Variants in WWTR1 observed in about 807,000 individuals in gnomAD.
The protein encoded by WWTR1 is WW domain containing transcription regulator 1.
A neutral mutation model predicts 40.1 loss-of-function variants in WWTR1; 13 were observed. That is an observed-to-expected ratio of 0.32 (90% CI 0.21 to 0.52). The LOEUF (loss-of-function observed/expected upper bound fraction) is 0.52, where lower values mean the gene tolerates loss of function less well. Ranked by LOEUF, WWTR1 falls within the 20% of genes least tolerant of loss-of-function variation. WWTR1 has a pLI of 0.97. For synonymous variants in WWTR1, 230 were observed against 210.1 expected (o/e 1.09, Z -0.82); for missense variants, 436 against 523.1 (o/e 0.83, Z 1.63).
upstream of WWTR1, among the ~76,000 whole-genome samples, chr3:149,705,064 C>T (rs1286575258): frequency 6.6e-6 from 1 of 150,778 alleles, no homozygotes; most frequent in Non-Finnish European, 1.5e-5. Context: ...AATTTTAAAA[C>T]TTAGACAGTT....
chr3:149,719,809 A>G (rs1162779809), intron 4 of WWTR1, among the ~76,000 whole-genome samples: 1 of 152,162 alleles, frequency 6.6e-6, no homozygotes. Context: ...TAGCCATCCT[A>G]AGGGTGTCCA....
At position 149,542,480 on chromosome 3, in the gene WWTR1, T is replaced by G. The variant is rs771651376; in HGVS notation, c.626A>C (p.His209Pro). The change falls in exon 4 of 7, where the codon CAC (histidine) becomes CCC (proline). Residue 209 changes from histidine (H) to proline (P), a missense_variant. By Grantham distance (77) the His-to-Pro change is moderately conservative. Transcript: ENST00000360632. ...CCCTGCGGGTGGGTTCTGAGTGGGG[T>G]GGTTCTGCTGGCTCAGGGTACTGGG... ...MAPSTLSQQNHPTQNPPAGLM... is the reference protein window; with the variant it reads ...MAPSTLSQQNPPTQNPPAGLM... The G allele has an allele frequency of 2.9e-5, 47 of 1,613,750 alleles. No individual in the cohort carries two copies. Among genetic ancestry groups the G allele is most frequent in the Non-Finnish European group, 3.9e-5 (46 of 1,179,898 alleles).
intron 3 of WWTR1, among the ~76,000 whole-genome samples, chr3:149,561,955 G>A (rs568908013): frequency 3.7e-4 from 57 of 152,208 alleles, no homozygotes; most frequent in Non-Finnish European, 6.0e-4. Flanking sequence ...TGCCATATGC[G>A]TGTGTTACTT....
rs186207018 is a variant in WWTR1, at chr3:149,677,755, G to A, written c.-107-7864C>T. On this transcript the variant is annotated intron_variant, in intron 1 of 7. Transcript: ENST00000465804. ...CTCGGGAGGCTGAGGCAGGAGAATCGCTTGAATCTGGGAAGCAGAGGTTGC... is the reference window on the plus strand; with the variant it reads ...CTCGGGAGGCTGAGGCAGGAGAATCACTTGAATCTGGGAAGCAGAGGTTGC... Among the ~76,000 whole-genome samples, 913 of 151,950 alleles carry A rather than the reference G, an allele frequency of 6.0e-3. 4 individuals are homozygous for A. The highest frequency in any genetic ancestry group is 0.011 in the Non-Finnish European group (732 of 67,954).
chr3:149,533,874 G>C (rs1735701013), intron 4 of WWTR1, among the ~76,000 whole-genome samples: 1 of 152,080 alleles, frequency 6.6e-6, no homozygotes, highest in Non-Finnish European at 1.5e-5. Context: ...GCTGCTGATA[G>C]TGTTAAATGG....
At chr3:149,564,404 A>G (rs531275848) in intron 3 of WWTR1, among the ~76,000 whole-genome samples, 67 of 151,842 alleles carry the variant, frequency 4.4e-4, no homozygotes, top group Non-Finnish European at 7.1e-4. Flanking sequence ...TTTAATACAC[A>G]TGGGGCCTGG....
intron 2 of WWTR1, among the ~76,000 whole-genome samples, chr3:149,597,960 G>T (rs1739076085): frequency 6.6e-6 from 1 of 152,200 alleles, no homozygotes; most frequent in South Asian, 2.1e-4. Context: ...TTATAAATGG[G>T]ATTGTAGTTA....
At chr3:149,568,492 G>C (rs11926146) in intron 3 of WWTR1, among the ~76,000 whole-genome samples, 88,539 of 136,236 alleles carry the variant, frequency 0.65, 28,975 homozygotes, top group East Asian at 0.95. Context: ...TAAGCTAGAC[G>C]AAACTGGAGA....
intron 5 of WWTR1, among the ~76,000 whole-genome samples, chr3:149,708,479 C>T (rs1452619770): frequency 6.6e-6 from 1 of 152,144 alleles, no homozygotes; most frequent in Non-Finnish European, 1.5e-5. Flanking sequence ...CCCTCAACCC[C>T]CACTGCTGCC....
At chr3:149,700,974 G>C (rs1216763138) in intron 1 of WWTR1, among the ~76,000 whole-genome samples, 1 of 152,194 alleles carries the variant, frequency 6.6e-6, no homozygotes, top group Non-Finnish European at 1.5e-5. Flanking sequence ...AGCAGTGATT[G>C]TTTTGGATAA....
At chr3:149,706,442 C>T (rs1715338546), upstream of WWTR1, among the ~76,000 whole-genome samples, 1 of 151,476 alleles carries the variant, frequency 6.6e-6, no homozygotes, top group South Asian at 2.1e-4. Context: ...CCTCAGCCTC[C>T]CGAGTAGCTG....
intron 2 of WWTR1, among the ~76,000 whole-genome samples, chr3:149,616,429 CCT>C (rs781571623): frequency 2.0e-5 from 3 of 151,380 alleles, no homozygotes; most frequent in South Asian, 2.1e-4. Flanking sequence ...AAATGGCTGT[CCT>C]CTCTCTCTCT....
intron 5 of WWTR1, among the ~76,000 whole-genome samples, chr3:149,712,151 T>C (rs764779101): frequency 2.6e-5 from 4 of 152,182 alleles, no homozygotes; most frequent in Non-Finnish European, 4.4e-5. Context: ...AAATTTAAAA[T>C]TGGTAATGTG....
chr3:149,628,972 A>G (rs924245733), intron 2 of WWTR1, among the ~76,000 whole-genome samples: 4 of 151,826 alleles, frequency 2.6e-5, no homozygotes, highest in African/African-American at 9.7e-5. Context: ...GGGTCTCCCT[A>G]TGCTGCCCAG....
At chr3:149,558,815 G>A (rs978401411) in intron 3 of WWTR1, among the ~76,000 whole-genome samples, 4 of 152,146 alleles carry the variant, frequency 2.6e-5, no homozygotes, top group Non-Finnish European at 5.9e-5. Context: ...CAAATTAGAA[G>A]AGATTATGGA....
chr3:149,568,956 C>T (rs576935933), intron 3 of WWTR1, among the ~76,000 whole-genome samples: 2 of 152,256 alleles, frequency 1.3e-5, no homozygotes, highest in South Asian at 2.1e-4. Flanking sequence ...TTAGTAGAGA[C>T]GGGGTTTCAC....
chr3:149,598,036 G>C (rs980724076), intron 2 of WWTR1, among the ~76,000 whole-genome samples: 1 of 152,210 alleles, frequency 6.6e-6, no homozygotes, highest in Non-Finnish European at 1.5e-5. Flanking sequence ...GCCTGCAGGT[G>C]AGTGTTGTTG....
At chr3:149,706,564 C>T (rs770788928), upstream of WWTR1, among the ~76,000 whole-genome samples, 6 of 152,018 alleles carry the variant, frequency 3.9e-5, no homozygotes, top group East Asian at 3.9e-4. Context: ...GTGATCCACC[C>T]GCCTCAGCCT....
chr3:149,631,068 T>C (rs1711533924), intron 2 of WWTR1, among the ~76,000 whole-genome samples: 1 of 152,182 alleles, frequency 6.6e-6, no homozygotes, highest in Admixed American at 6.5e-5. Context: ...TTGCCATTAA[T>C]GGGTCAAGCC....
Sources: allele counts gnomAD v4.1 joint callset (sites outside exome capture counted in the v4.1 genomes callset), GRCh38; gene constraint gnomAD v4.1.1; transcripts MANE v1.5; gene names NCBI Gene and HGNC (gene_info 2026-07-23, HGNC 2026-07-21).